ATP8B4: variants seen among roughly 807,000 people sequenced by gnomAD.
ATP8B4 encodes ATPase phospholipid transporting 8B4 (putative), also known as probable phospholipid-transporting ATPase IM.
In ATP8B4, 133 loss-of-function variants were observed where a neutral mutation model predicts 145.6. The observed-to-expected ratio is 0.91, with a 90% CI of 0.79 to 1.05. The LOEUF is 1.05. Among genes scored for constraint, ATP8B4 ranks in the 50% least tolerant of loss-of-function variants. The probability of loss-of-function intolerance (pLI) is 0.00; values close to 1 mark genes in which losing one functional copy is unlikely to be tolerated. For missense variants in ATP8B4, 1,458 were observed against 1,425.2 expected, an observed-to-expected ratio of 1.02 and a Z score of -0.37; for synonymous variants, 507 against 492.9, an observed-to-expected ratio of 1.03 and a Z score of -0.38.
chr15:49,951,625 A>G (rs7164046), intron 14 of ATP8B4, among the ~76,000 whole-genome samples: 138,618 of 152,182 alleles, frequency 0.91, 63,340 homozygotes, highest in African/African-American at 0.98. Context: ...CAGCACACTA[A>G]TGGGTCTTGA....
rs141109081 is a variant in ATP8B4 at position 49,887,782 on chromosome 15, C to T, written c.2698-8323G>A. Among the ~76,000 whole-genome samples, 224 of 152,264 alleles carry T rather than the reference C, an allele frequency of 1.5e-3. 1 individual carries two copies. Among genetic ancestry groups the T allele is most frequent in the African/African-American group, 5.1e-3 (210 of 41,542 alleles). On this transcript the variant is annotated intron_variant, in intron 23 of 27. Transcript: ENST00000284509. ...TTTATCAGCCTTATCAACCATTTTA[C>T]ATAGAGTTAAAAATACTCCAGCTAC...
chr15:49,871,314 T>C (rs1417568694), intron 25 of ATP8B4, among the ~76,000 whole-genome samples: 1 of 152,222 alleles, frequency 6.6e-6, no homozygotes, highest in Non-Finnish European at 1.5e-5. Context: ...TCATATTTCT[T>C]GAAAATTTTG....
At chr15:50,032,923 G>T (rs374945960) in intron 6 of ATP8B4, among the ~76,000 whole-genome samples, 7 of 152,042 alleles carry the variant, frequency 4.6e-5, no homozygotes, top group African/African-American at 9.7e-5. Context: ...TTCTCTTAAT[G>T]AATATATGCT....
chr15:49,961,295 A>T lies in ATP8B4; in HGVS notation c.1287+682T>A, dbSNP rs538864056. On this transcript the variant is annotated intron_variant, in intron 14 of 27. Transcript: ENST00000284509. ...TCATCAAAGATCATAAACTTTGATAAAACATTGTGTTGGTGACAGTGGGGG... is the reference window on the plus strand; with the variant it reads ...TCATCAAAGATCATAAACTTTGATATAACATTGTGTTGGTGACAGTGGGGG... Among the ~76,000 whole-genome samples, 10 of 152,350 alleles carry T rather than the reference A, an allele frequency of 6.6e-5. No homozygotes were observed. In the South Asian group the frequency reaches 2.1e-3, roughly 32 times the overall value.
At chr15:50,054,507 G>A (rs975386894) in intron 3 of ATP8B4, among the ~76,000 whole-genome samples, 1 of 152,148 alleles carries the variant, frequency 6.6e-6, no homozygotes, top group Non-Finnish European at 1.5e-5. Context: ...CAACTGGCTG[G>A]GCACGGTGGC....
In ATP8B4 at chr15:49,860,159, G is replaced by GA; in HGVS notation, c.*34dup. 6.4e-7 allele frequency: 1 copy of GA among 1,565,740 alleles called. No individual in the cohort carries two copies. The highest frequency in any genetic ancestry group is 8.7e-7 in the Non-Finnish European group (1 of 1,155,712). ...GCAGAATTTCAGCTCCACCTGAAGT[G>GA]AAAAGATAACTACGTGGTTTAAATT... On this transcript the variant is annotated 3_prime_UTR_variant, in exon 28 of 28. Coordinates refer to ENST00000284509, the MANE Select transcript of ATP8B4 (RefSeq NM_024837.4).
chr15:49,996,134 G>C (rs530907036), intron 9 of ATP8B4, among the ~76,000 whole-genome samples: 1 of 152,104 alleles, frequency 6.6e-6, no homozygotes, highest in South Asian at 2.1e-4. Context: ...CTAAAACCAT[G>C]GTCTAAAATA....
chr15:49,931,029 C>G (rs1181863307), intron 16 of ATP8B4, 90 bp downstream of exon 16: 4 of 1,385,458 alleles, frequency 2.9e-6, no homozygotes, highest in South Asian at 1.4e-5. Flanking sequence ...TCACAACCCT[C>G]AGCACATAGC....
Position 49,943,032 on chromosome 15 carries a change from A to T in ATP8B4, c.1288-8850T>A, listed in dbSNP as rs972258054. Among the ~76,000 whole-genome samples the T allele has an allele frequency of 5.4e-4, 82 of 152,250 alleles. 1 individual carries two copies. The highest frequency in any genetic ancestry group is 1.7e-3 in the African/African-American group (72 of 41,572). On this transcript the variant is annotated intron_variant, in intron 14 of 27. Transcript: ENST00000284509. ...AATATCAACAAAAAGACTTTAAAAA[A>T]ATTTTTAAAAACAAATTTTGGAGCT...
chr15:50,145,620 A>G (rs2044266106), intron 1 of ATP8B4, among the ~76,000 whole-genome samples: 1 of 152,124 alleles, frequency 6.6e-6, no homozygotes, highest in Admixed American at 6.5e-5. Context: ...TAAATTCTTA[A>G]GGCTAATTAG....
chr15:49,888,211 C>T lies in ATP8B4; in HGVS notation c.2698-8752G>A, dbSNP rs1230117715. 5.9e-5 allele frequency among the ~76,000 whole-genome samples: 9 copies of T among 152,174 alleles called. No homozygotes were observed. In the East Asian group the frequency reaches 1.7e-3, roughly 29 times the overall value. ...CACTCGTCCAGTCCTGGACTTTCCC[C>T]AGAGCACATCTGGAAGGTGAGGGGG... On this transcript the variant is annotated intron_variant, in intron 23 of 27. Transcript: ENST00000284509.
chr15:50,123,748 G>A (rs1032998654), upstream of ATP8B4, among the ~76,000 whole-genome samples: 3 of 152,108 alleles, frequency 2.0e-5, no homozygotes, highest in African/African-American at 7.2e-5. Context: ...CCAGGCAGCA[G>A]GCAATGAGAA....
chr15:50,044,444 G>C, intron 5 of ATP8B4, 150 bp downstream of exon 5: 2 of 514,390 alleles, frequency 3.9e-6, no homozygotes, highest in Non-Finnish European at 6.7e-6. Context: ...TACAGCACCT[G>C]TATTAATCAT....
At chr15:50,141,015 G>A (rs949307816) in intron 1 of ATP8B4, among the ~76,000 whole-genome samples, 12 of 152,018 alleles carry the variant, frequency 7.9e-5, no homozygotes, top group African/African-American at 2.9e-4. Flanking sequence ...ATCATGGAAG[G>A]AGCTGTTGGT....
chr15:50,015,452 G>A (rs914480112), intron 6 of ATP8B4, among the ~76,000 whole-genome samples: 1 of 152,200 alleles, frequency 6.6e-6, no homozygotes, highest in Non-Finnish European at 1.5e-5. Flanking sequence ...AAGTTTGTCT[G>A]GCTACAAAGC....
At chr15:50,112,716 T>C (rs1006666636) in intron 1 of ATP8B4, among the ~76,000 whole-genome samples, 2 of 152,110 alleles carry the variant, frequency 1.3e-5, no homozygotes, top group Non-Finnish European at 2.9e-5. Flanking sequence ...TCCTCCAAGC[T>C]GTGTGAGGTT....
In ATP8B4 at chr15:50,017,308, G is replaced by A. The variant is rs998520117; in HGVS notation, c.363-6391C>T. 4.6e-5 allele frequency among the ~76,000 whole-genome samples: 7 copies of A among 152,128 alleles called. 1 individual carries two copies. In the Middle Eastern group the frequency reaches 0.01, roughly 222 times the overall value. On this transcript the variant is annotated intron_variant, in intron 6 of 27. Coordinates refer to ENST00000284509, the MANE Select transcript of ATP8B4 (RefSeq NM_024837.4). ...AACTATCCTAAGAACAATGTCTATAGGAAAAAATCACTGTTTCTGAAATCT... is the reference window on the plus strand; with the variant it reads ...AACTATCCTAAGAACAATGTCTATAAGAAAAAATCACTGTTTCTGAAATCT...
intron 7 of ATP8B4, among the ~76,000 whole-genome samples, chr15:50,004,767 T>C (rs534169207): frequency 2.1e-4 from 24 of 115,770 alleles, no homozygotes; most frequent in African/African-American, 9.4e-4. Flanking sequence ...GAGCCAGGAT[T>C]TGAATCTGGG....
chr15:49,876,881 A>G (rs2034522453), intron 24 of ATP8B4, among the ~76,000 whole-genome samples: 1 of 152,214 alleles, frequency 6.6e-6, no homozygotes, highest in Admixed American at 6.5e-5. Flanking sequence ...CCAGAATTCC[A>G]GCACATCATG....
Sources: gnomAD v4.1 joint callset for allele counts (sites outside exome capture counted in the v4.1 genomes callset) on GRCh38, gnomAD v4.1.1 for gene constraint, MANE v1.5 for transcripts, NCBI Gene and HGNC (gene_info 2026-07-23, HGNC 2026-07-21) for gene names.